The following AGBL4 variants were observed in gnomAD, a reference collection of about 807,000 sequenced individuals.
AGBL4 encodes cytosolic carboxypeptidase 6.
A neutral mutation model predicts 66.4 loss-of-function variants in AGBL4; 58 were observed. The observed-to-expected ratio is 0.87, with a 90% CI of 0.71 to 1.09. AGBL4 has a LOEUF of 1.09. AGBL4 is among the 50% of genes least tolerant of loss of function. The pLI is 0.00. For synonymous variants in AGBL4, 234 were observed against 222.9 expected, an observed-to-expected ratio of 1.05 and a Z score of -0.44; for missense variants, 579 against 631.0, an observed-to-expected ratio of 0.92 and a Z score of 0.88.
At chr1:49,188,136 T>C (rs1413446984) in intron 4 of AGBL4, among the ~76,000 whole-genome samples, 1 of 152,156 alleles carries the variant, frequency 6.6e-6, no homozygotes, top group African/African-American at 2.4e-5. Context: ...TTCTTTCTTT[T>C]GTAAATTGCC....
chr1:48,711,048 C>T (rs1193198626), intron 6 of AGBL4, among the ~76,000 whole-genome samples: 11 of 152,004 alleles, frequency 7.2e-5, no homozygotes, highest in Non-Finnish European at 1.3e-4. Context: ...TCTGTCTGCC[C>T]CTACTGCTCA....
At chr1:49,055,461 CT>C (rs1644292107) in intron 4 of AGBL4, among the ~76,000 whole-genome samples, 1 of 151,904 alleles carries the variant, frequency 6.6e-6, no homozygotes, top group African/African-American at 2.4e-5. Context: ...GAGAAAATGC[CT>C]TTTTAATTTA....
chr1:49,935,363 A>C (rs908889947), intron 1 of AGBL4, among the ~76,000 whole-genome samples: 2 of 152,218 alleles, frequency 1.3e-5, no homozygotes, highest in African/African-American at 4.8e-5. Flanking sequence ...ACCACAGCTC[A>C]AGGTTGCCTG....
intron 1 of AGBL4, among the ~76,000 whole-genome samples, chr1:49,957,956 A>G (rs1345812070): frequency 2.6e-5 from 4 of 152,044 alleles, no homozygotes; most frequent in South Asian, 4.2e-4. Flanking sequence ...TCCTAGCATC[A>G]ATGGTCTTTA....
Position 48,753,453 on chromosome 1 carries a change from C to T in AGBL4, c.635-90212G>A, listed in dbSNP as rs528816808. On this transcript the variant is annotated intron_variant, in intron 6 of 13. Transcript: ENST00000371839. ...CTGACATCAGCTGCCTTTTCTAAGG[C>T]ACCATCAGAGACCTGGGCTTAAAGA... Among the ~76,000 whole-genome samples the T allele has an allele frequency of 2.6e-5, 4 of 152,328 alleles. No individual in the cohort carries two copies. The East Asian group carries it at 7.7e-4, about 29-fold the overall frequency.
chr1:49,215,681 G>T (rs1649031146), intron 4 of AGBL4, among the ~76,000 whole-genome samples: 1 of 151,968 alleles, frequency 6.6e-6, no homozygotes, highest in Non-Finnish European at 1.5e-5. Context: ...CTTTGCACAA[G>T]TCTGGACACA....
At chr1:49,498,716 G>A (rs967265683) in intron 3 of AGBL4, among the ~76,000 whole-genome samples, 2 of 151,772 alleles carry the variant, frequency 1.3e-5, no homozygotes, top group Non-Finnish European at 2.9e-5. Context: ...GGTCATATAT[G>A]GCCTTTACTG....
chr1:49,948,319 AATAT>A (rs1655651122), intron 1 of AGBL4, among the ~76,000 whole-genome samples: 1 of 111,360 alleles, frequency 9.0e-6, no homozygotes, highest in Non-Finnish European at 1.6e-5. Context: ...TATATATATA[AATAT>A]ATAAACATAT....
At chr1:49,074,937 G>A (rs1387423991) in intron 4 of AGBL4, among the ~76,000 whole-genome samples, 3 of 152,068 alleles carry the variant, frequency 2.0e-5, no homozygotes, top group African/African-American at 7.2e-5. Flanking sequence ...TAAACTCCAT[G>A]TATACGCACC....
intron 5 of AGBL4, among the ~76,000 whole-genome samples, chr1:48,955,872 G>A (rs1052819844): frequency 6.6e-6 from 1 of 152,238 alleles, no homozygotes; most frequent in Non-Finnish European, 1.5e-5. Flanking sequence ...GGTGTAAAAT[G>A]TCCAGCAAAC....
At chr1:48,639,726 GC>G in intron 8 of AGBL4, among the ~76,000 whole-genome samples, 1 of 152,324 alleles carries the variant, frequency 6.6e-6, no homozygotes, top group South Asian at 2.1e-4. Flanking sequence ...ATGGGAGTTT[GC>G]CAAGAGTCAA....
intron 3 of AGBL4, among the ~76,000 whole-genome samples, chr1:49,338,984 A>C (rs1172813511): frequency 6.6e-6 from 1 of 152,120 alleles, no homozygotes; most frequent in Non-Finnish European, 1.5e-5. Context: ...TTTCTGGTAA[A>C]GTATAACCAT....
intron 3 of AGBL4, among the ~76,000 whole-genome samples, chr1:49,301,889 C>T (rs1206046824): frequency 6.6e-6 from 1 of 152,130 alleles, no homozygotes; most frequent in Non-Finnish European, 1.5e-5. Context: ...TTCCCTATCC[C>T]CCTGCCCATG....
chr1:49,657,279 A>C (rs950895219), intron 3 of AGBL4, among the ~76,000 whole-genome samples: 5 of 152,206 alleles, frequency 3.3e-5, no homozygotes, highest in African/African-American at 9.6e-5. Flanking sequence ...AGAATAAAAT[A>C]CCTAGGAATC....
chr1:49,904,411 T>C (rs1650065370), intron 1 of AGBL4, among the ~76,000 whole-genome samples: 1 of 152,158 alleles, frequency 6.6e-6, no homozygotes, highest in Non-Finnish European at 1.5e-5. Flanking sequence ...GACAGAGACA[T>C]TGGATAATAA....
intron 3 of AGBL4, among the ~76,000 whole-genome samples, chr1:49,335,439 A>G (rs1374866267): frequency 2.6e-5 from 4 of 152,210 alleles, no homozygotes; most frequent in African/African-American, 9.7e-5. Context: ...TTCTGTAAAC[A>G]TAAGTCAAAT....
chr1:49,556,781 C>T (rs943980712), intron 3 of AGBL4, among the ~76,000 whole-genome samples: 5 of 151,998 alleles, frequency 3.3e-5, no homozygotes, highest in African/African-American at 9.7e-5. Flanking sequence ...CGGGAAGGCT[C>T]GTGCGGTGCA....
At chr1:49,804,096 G>C (rs1389365160) in intron 2 of AGBL4, among the ~76,000 whole-genome samples, 1 of 152,098 alleles carries the variant, frequency 6.6e-6, no homozygotes, top group African/African-American at 2.4e-5. Flanking sequence ...GGCTGTTACA[G>C]CTTCTCACAA....
At chr1:48,675,925 CT>C (rs1646357866) in intron 6 of AGBL4, among the ~76,000 whole-genome samples, 1 of 152,224 alleles carries the variant, frequency 6.6e-6, no homozygotes, top group Non-Finnish European at 1.5e-5. Flanking sequence ...TGGAATCTTT[CT>C]TGAATAAAAT....
Sources: gnomAD v4.1 joint callset for allele counts (sites outside exome capture counted in the v4.1 genomes callset) on GRCh38, gnomAD v4.1.1 for gene constraint, MANE v1.5 for transcripts, NCBI Gene and HGNC (gene_info 2026-07-23, HGNC 2026-07-21) for gene names.